The following MBD5 variants were observed in gnomAD, a reference collection of about 807,000 sequenced individuals.
MBD5 encodes methyl-CpG-binding domain protein 5.
Under a neutral mutation model 117.3 loss-of-function variants are expected in MBD5, and 13 were observed. The ratio of observed to expected loss-of-function variants is 0.11; its 90% CI spans 0.07 to 0.18. The LOEUF (loss-of-function observed/expected upper bound fraction) is 0.18. Among genes scored for constraint, MBD5 ranks in the 10% least tolerant of loss-of-function variants. The probability of loss-of-function intolerance (pLI) is 1.00; values close to 1 mark genes in which losing one functional copy is unlikely to be tolerated. For synonymous variants in MBD5, 727 were observed against 766.4 expected (o/e 0.95, Z 0.85); for missense variants, 1,879 against 2,093.8 (o/e 0.90, Z 2.00).
chr2:148,344,171 A>G (rs974734985), intron 4 of MBD5, among the ~76,000 whole-genome samples: 1 of 151,974 alleles, frequency 6.6e-6, no homozygotes, highest in African/African-American at 2.4e-5. Context: ...CCATTGATCT[A>G]TGCATCTGTT....
chr2:148,390,567 A>AGG (rs1704541951), intron 4 of MBD5, among the ~76,000 whole-genome samples: 3 of 144,644 alleles, frequency 2.1e-5, no homozygotes, highest in African/African-American at 8.1e-5. Flanking sequence ...ATGTGTGTAT[A>AGG]TATATATATA....
In MBD5 at chr2:148,513,244, A is replaced by G; in HGVS notation, c.*303A>G. 2.8e-6 allele frequency: 1 copy of G among 356,222 alleles called. No individual in the cohort carries two copies. The highest frequency in any genetic ancestry group is 5.2e-6 in the Non-Finnish European group (1 of 191,840). The allele number at this position is 356,222 out of a possible 1,614,324, so 22.1% of individuals were successfully genotyped here. On this transcript the variant is annotated 3_prime_UTR_variant, in exon 14 of 14. Coordinates refer to ENST00000642680, the MANE Select transcript of MBD5 (RefSeq NM_001378120.1). Reference sequence around the variant, plus strand: ...ATAAGAAATAGTCCAAATGTTTCTGAAGAATTTTCAATGTTGTATATAGAA... The same window carrying G: ...ATAAGAAATAGTCCAAATGTTTCTGGAGAATTTTCAATGTTGTATATAGAA...
intron 1 of MBD5, among the ~76,000 whole-genome samples, chr2:148,171,594 T>G (rs1698265486): frequency 6.6e-6 from 1 of 152,152 alleles, no homozygotes; most frequent in Non-Finnish European, 1.5e-5. Context: ...CTCTTTCTCA[T>G]TATAGTACTG....
intron 3 of MBD5, among the ~76,000 whole-genome samples, chr2:148,285,918 A>AT (rs1371727213): frequency 6.6e-6 from 1 of 152,124 alleles, no homozygotes. Flanking sequence ...TATTAAAGTG[A>AT]TTTTATATAT....
intron 1 of MBD5, among the ~76,000 whole-genome samples, chr2:148,036,036 A>T (rs950628901): frequency 5.6e-4 from 86 of 152,316 alleles, no homozygotes; most frequent in Middle Eastern, 6.8e-3. Flanking sequence ...ACAATAAAAC[A>T]AATTCTATTT....
intron 1 of MBD5, among the ~76,000 whole-genome samples, chr2:148,151,355 T>G (rs2105649428): frequency 6.6e-6 from 1 of 152,030 alleles, no homozygotes. Flanking sequence ...AGTATTTTAT[T>G]GAGGATTTTT....
intron 4 of MBD5, among the ~76,000 whole-genome samples, chr2:148,409,353 A>C (rs1705182761): frequency 6.6e-6 from 1 of 151,186 alleles, no homozygotes; most frequent in South Asian, 2.1e-4. Flanking sequence ...ATGCCACTGC[A>C]CTCTAGCCTG....
At chr2:148,285,661 C>G (rs1421645258) in intron 3 of MBD5, among the ~76,000 whole-genome samples, 1 of 152,118 alleles carries the variant, frequency 6.6e-6, no homozygotes, top group Non-Finnish European at 1.5e-5. Flanking sequence ...ATGAGAATAT[C>G]TGAGAATAAT....
intron 1 of MBD5, among the ~76,000 whole-genome samples, chr2:148,085,940 A>G (rs1020035266): frequency 2.6e-5 from 4 of 152,192 alleles, no homozygotes; most frequent in Non-Finnish European, 4.4e-5. Flanking sequence ...TAGTTCACAC[A>G]GCAAAACCTG....
chr2:148,324,110 C>T (rs1171176220), intron 3 of MBD5, among the ~76,000 whole-genome samples: 1 of 152,126 alleles, frequency 6.6e-6, no homozygotes, highest in African/African-American at 2.4e-5. Flanking sequence ...ATCCTTTACC[C>T]TTTGCTTTTT....
intron 4 of MBD5, among the ~76,000 whole-genome samples, chr2:148,439,064 T>A (rs1202151567): frequency 6.6e-6 from 1 of 152,128 alleles, no homozygotes; most frequent in Non-Finnish European, 1.5e-5. Context: ...ACACTTAATT[T>A]CCAAATAAAG....
chr2:148,259,853 C>T (rs898193429), intron 3 of MBD5, among the ~76,000 whole-genome samples: 1 of 152,164 alleles, frequency 6.6e-6, no homozygotes, highest in African/African-American at 2.4e-5. Context: ...TCAGCCTGCT[C>T]CTGACTGAAG....
chr2:148,197,445 G>A (rs1166672835), intron 2 of MBD5, among the ~76,000 whole-genome samples: 1 of 152,150 alleles, frequency 6.6e-6, no homozygotes, highest in African/African-American at 2.4e-5. Context: ...TTCCAGGTAA[G>A]TTTGGAAAGT....
intron 4 of MBD5, among the ~76,000 whole-genome samples, chr2:148,347,812 AT>A (rs1426640498): frequency 6.6e-6 from 1 of 151,934 alleles, no homozygotes; most frequent in African/African-American, 2.4e-5. Context: ...TTTTAGTTTT[AT>A]TTTTTATGCT....
chr2:148,366,451 A>G (rs143469025), intron 4 of MBD5, among the ~76,000 whole-genome samples: 125 of 152,266 alleles, frequency 8.2e-4, no homozygotes, highest in African/African-American at 2.9e-3. Flanking sequence ...ATTCCTATTC[A>G]ACATAGTGTT....
chr2:148,164,909 G>A (rs1194560164), intron 1 of MBD5, among the ~76,000 whole-genome samples: 1 of 152,126 alleles, frequency 6.6e-6, no homozygotes, highest in Non-Finnish European at 1.5e-5. Context: ...AAAACTTTAT[G>A]AACTTGTGGT....
chr2:148,367,920 G>A (rs186513244), intron 4 of MBD5, among the ~76,000 whole-genome samples: 180 of 152,230 alleles, frequency 1.2e-3, no homozygotes, highest in Non-Finnish European at 2.0e-3. Flanking sequence ...ACAGTGTGGC[G>A]ATTCCTCAAG....
chr2:148,477,613 C>A (rs532671342), intron 8 of MBD5, among the ~76,000 whole-genome samples: 1 of 152,114 alleles, frequency 6.6e-6, no homozygotes, highest in African/African-American at 2.4e-5. Context: ...CATTAAAAAT[C>A]GGTCCTTTAA....
chr2:148,245,243 T>C (rs1700308986), intron 3 of MBD5, among the ~76,000 whole-genome samples: 1 of 151,646 alleles, frequency 6.6e-6, no homozygotes. Context: ...TTTTATTTTT[T>C]AAGACAGAGT....
Sources: gnomAD v4.1 joint callset for allele counts (sites outside exome capture counted in the v4.1 genomes callset) on GRCh38, gnomAD v4.1.1 for gene constraint, MANE v1.5 for transcripts, NCBI Gene and HGNC (gene_info 2026-07-23, HGNC 2026-07-21) for gene names.